PGF: variants seen among roughly 807,000 people sequenced by gnomAD.
PGF encodes placenta growth factor.
PGF carries 11 observed loss-of-function variants against 25.3 expected under a neutral mutation model. The observed-to-expected ratio is 0.43, with a 90% CI of 0.27 to 0.72. The LOEUF (loss-of-function observed/expected upper bound fraction) is 0.72, where lower values mean the gene tolerates loss of function less well. PGF is among the 30% of genes least tolerant of loss of function. The pLI is 0.18. For missense variants in PGF, 230 were observed against 234.9 expected (o/e 0.98, Z 0.14); for synonymous variants, 105 against 97.9 (o/e 1.07, Z -0.43).
chr14:74,950,149 C>T lies in PGF; in HGVS notation c.119-596G>A, dbSNP rs61759375. On this transcript the variant is annotated intron_variant, in intron 2 of 6. Coordinates refer to ENST00000555567, the MANE Select transcript of PGF (RefSeq NM_002632.6). This position sits in a 1 kb window ranked among gnomAD's most constrained non-coding sequence, Gnocchi z 4.1. ...TTCACTCCCAGCTCTGGCTTGTGCA[C>T]TCTGCAGCCCGTACAGCTGCTCTTC... Among the ~76,000 whole-genome samples, 4,818 of 152,218 alleles carry T rather than the reference C, an allele frequency of 0.032. 276 individuals carry two copies. The highest frequency in any genetic ancestry group is 0.11 in the African/African-American group (4,591 of 41,478).
In PGF at chr14:74,942,474, G is replaced by A. The variant is rs1466895938; in HGVS notation, c.*232C>T. The A allele has an allele frequency of 1.1e-5, 6 of 543,166 alleles. No homozygotes were observed. The highest frequency in any genetic ancestry group is 6.0e-5 in the African/African-American group (3 of 50,240). The allele number at this position is 543,166 out of a possible 1,614,324, so 33.6% of individuals were successfully genotyped here. A position where few individuals can be genotyped will look rare whatever the true frequency, so the allele number is the denominator to read the frequency against. On this transcript the variant is annotated 3_prime_UTR_variant, in exon 7 of 7. Transcript: ENST00000555567. ...CCACGTGTCTTGCTTCTTTCAAAGC[G>A]GAAGCTCCCAGGGGTCTGTGGCTGG...
At chr14:74,945,395 G>A (rs1009910) in intron 6 of PGF, 142,704 of 152,220 alleles carry the variant, frequency 0.94, 67,281 homozygotes, top group East Asian at 0.99. Context: ...AAAGAGATGA[G>A]AGCATAAACC....
rs772881524 is a variant in PGF, at chr14:74,953,738, G to A, written c.118+166C>T. ...ACCTCTCTAGTCTCTGGGTCACCAT[G>A]AGGGGATCTCTTAGGCCCTGCCAAA... On this transcript the variant is annotated intron_variant, in intron 2 of 6. Transcript: ENST00000555567. This position sits in a 1 kb window ranked among gnomAD's most constrained non-coding sequence, Gnocchi z 5.4. Among the ~76,000 whole-genome samples, 5 of 152,224 alleles carry A rather than the reference G, an allele frequency of 3.3e-5. No individual in the cohort carries two copies. Among genetic ancestry groups the A allele is most frequent in the Non-Finnish European group, 5.9e-5 (4 of 68,040 alleles).
In PGF at chr14:74,942,582, AGGCATTCAGCAGGGAAACAGTT is replaced by A; in HGVS notation, c.*102_*123del. The A allele has an allele frequency of 1.1e-6, 1 of 920,906 alleles. No individual in the cohort carries two copies. The allele number at this position is 920,906 out of a possible 1,614,324, so 57.0% of individuals were successfully genotyped here. On this transcript the variant is annotated 3_prime_UTR_variant, in exon 7 of 7. Transcript: ENST00000555567. ...CCTGCCCCTCGTCTTGAAGGGAGCG[AGGCATTCAGCAGGGAAACAGTT>A]GGCTAATAAATAGAGGGCAGGTACC...
chr14:74,954,119 G>T, intron 1 of PGF, 173 bp from the exon 2 acceptor site: 1 of 632,546 alleles, frequency 1.6e-6, no homozygotes, highest in Non-Finnish European at 2.9e-6. Flanking sequence ...CTGGACCCTG[G>T]GTAGGTTAGG....
rs555398683 is a variant in PGF, at chr14:74,948,654, C to T, written c.316-71G>A. On this transcript the variant is annotated intron_variant, in intron 3 of 6. Coordinates refer to ENST00000555567, the MANE Select transcript of PGF (RefSeq NM_002632.6). ...AGTTTCCGGCACTCTTCTCTCTCTCCTTGTAAGGAGAACCCGACTCTGTTT... is the reference window on the plus strand; with the variant it reads ...AGTTTCCGGCACTCTTCTCTCTCTCTTTGTAAGGAGAACCCGACTCTGTTT... 308 of 978,688 alleles carry T rather than the reference C, an allele frequency of 3.1e-4. 1 individual carries two copies. The highest frequency in any genetic ancestry group is 1.7e-3 in the East Asian group (66 of 38,826). The allele number at this position is 978,688 out of a possible 1,614,324, so 60.6% of individuals were successfully genotyped here. A position where few individuals can be genotyped will look rare whatever the true frequency, so the allele number is the denominator to read the frequency against.
chr14:74,946,162 G>C (rs1382346149), intron 6 of PGF, 51 bp downstream of exon 6: 2 of 1,565,576 alleles, frequency 1.3e-6, no homozygotes, highest in Admixed American at 1.7e-5. Flanking sequence ...GCAAGGCGGG[G>C]CTCCCCTCGG....
In PGF at chr14:74,953,407, G is replaced by A. The variant is rs965791409; in HGVS notation, c.118+497C>T. 2.6e-5 allele frequency among the ~76,000 whole-genome samples: 4 copies of A among 152,182 alleles called. No individual in the cohort carries two copies. Among genetic ancestry groups the A allele is most frequent in the African/African-American group, 4.8e-5 (2 of 41,438 alleles). On this transcript the variant is annotated intron_variant, in intron 2 of 6. Transcript: ENST00000555567. The surrounding 1 kb of genome is among the most constrained non-coding windows in gnomAD (Gnocchi z 5.4). Reference sequence around the variant, plus strand: ...TGCAACCAGGGCGGGGAGTGGAGGGGCCAGGGAGGGCGCGACTATGTTCTG... The same window carrying A: ...TGCAACCAGGGCGGGGAGTGGAGGGACCAGGGAGGGCGCGACTATGTTCTG...
At chr14:74,947,662 C>A (rs1487844285) in intron 4 of PGF, 1 of 152,254 alleles carries the variant, frequency 6.6e-6, no homozygotes, top group African/African-American at 2.4e-5. Context: ...CAGGACAATG[C>A]CTGGCATGTG....
intron 4 of PGF, chr14:74,947,908 C>G (rs1380081042): frequency 6.6e-6 from 1 of 152,360 alleles, no homozygotes; most frequent in Admixed American, 6.5e-5. Flanking sequence ...GTTGCTCCTG[C>G]TAACCAATGT....
At chr14:74,952,369 A>G (rs936566142) in intron 2 of PGF, among the ~76,000 whole-genome samples, 6 of 152,092 alleles carry the variant, frequency 3.9e-5, no homozygotes, top group Non-Finnish European at 8.8e-5. Flanking sequence ...TCAGCCACGG[A>G]GCTATTGGGA....
rs1888959367 is a variant in PGF at position 74,955,195 on chromosome 14, C to G, written c.48G>C (p.Gly16=). 1 of 1,487,400 alleles carries G rather than the reference C, an allele frequency of 6.7e-7. No individual in the cohort carries two copies. Among genetic ancestry groups the G allele is most frequent in the Non-Finnish European group, 9.0e-7 (1 of 1,110,938 alleles). The allele number at this position is 1,487,400 out of a possible 1,614,324, so 92.1% of individuals were successfully genotyped here. Residue 16 remains glycine, a synonymous_variant, in exon 1 of 7, where the codon GGG becomes GGC. Coordinates refer to ENST00000555567, the MANE Select transcript of PGF (RefSeq NM_002632.6). This position sits in a 1 kb window ranked among gnomAD's most constrained non-coding sequence, Gnocchi z 4.1. ...GGGGGGGCACAGCAGGCAGCGCCAG[C>G]CCGGCCAGGAGCTGCAGGAAGCAAG... is the stretch of plus-strand genomic sequence containing the variant. ...LFPCFLQLLA[G]LALPAVPPQQ...
At chr14:74,946,178 GCCT>G in intron 6 of PGF, 32 bp downstream of exon 6, 1 of 1,602,836 alleles carries the variant, frequency 6.2e-7, no homozygotes, top group African/African-American at 1.3e-5. Flanking sequence ...CTCGGGCCCA[GCCT>G]CCTCGCCATC....
In PGF at chr14:74,942,676, G is replaced by A. The variant is rs752641060; in HGVS notation, c.*30C>T. ...TGACGGTAATAAATACACGAGCCGGGTGCGGGGTCTCTCTCCTCCAAGGGG... is the reference window on the plus strand; with the variant it reads ...TGACGGTAATAAATACACGAGCCGGATGCGGGGTCTCTCTCCTCCAAGGGG... On this transcript the variant is annotated 3_prime_UTR_variant, in exon 7 of 7. Coordinates refer to ENST00000555567, the MANE Select transcript of PGF (RefSeq NM_002632.6). The A allele has an allele frequency of 6.2e-7, 1 of 1,609,332 alleles. No homozygotes were observed. The highest frequency in any genetic ancestry group is 2.2e-5 in the East Asian group (1 of 44,690).
At chr14:74,954,235 C>G (rs1403779659) in intron 1 of PGF, 2 of 451,650 alleles carry the variant, frequency 4.4e-6, no homozygotes, top group Admixed American at 6.7e-5. Flanking sequence ...TCCAATCCTG[C>G]GGGTCTGCCT....
chr14:74,955,189 C>T lies in PGF; in HGVS notation c.54G>A (p.Ala18=), dbSNP rs1018472154. The stretch of plus-strand genomic sequence containing the variant: ...TTACCTGGGGGGGCACAGCAGGCAG[C>T]GCCAGCCCGGCCAGGAGCTGCAGGA... ...PCFLQLLAGL[A]LPAVPPQQWA... is the part of the protein sequence containing the mutation. The change falls in exon 1 of 7, where the codon GCG becomes GCA. Residue 18 remains alanine, a synonymous_variant. Transcript: ENST00000555567. This position sits in a 1 kb window ranked among gnomAD's most constrained non-coding sequence, Gnocchi z 4.1. The T allele has an allele frequency of 6.7e-7, 1 of 1,484,514 alleles. No homozygotes were observed. The highest frequency in any genetic ancestry group is 1.3e-5 in the South Asian group (1 of 76,904). The allele number at this position is 1,484,514 out of a possible 1,614,324, so 92.0% of individuals were successfully genotyped here.
At chr14:74,943,059 C>G (rs996231541) in intron 6 of PGF, among the ~76,000 whole-genome samples, 1 of 152,204 alleles carries the variant, frequency 6.6e-6, no homozygotes, top group African/African-American at 2.4e-5. Context: ...TGTGGTCACA[C>G]GGCCAGTCGG....
rs371217790 is a variant in PGF at position 74,954,809 on chromosome 14, G to C, written c.75+359C>G. 7.2e-5 allele frequency among the ~76,000 whole-genome samples: 11 copies of C among 152,136 alleles called. No individual in the cohort carries two copies. In the East Asian group the frequency reaches 2.1e-3, roughly 29 times the overall value. On this transcript the variant is annotated intron_variant, in intron 1 of 6. Coordinates refer to ENST00000555567, the MANE Select transcript of PGF (RefSeq NM_002632.6). ...CACCAGGCCAGGTCAGAGGTCCTGG[G>C]GACGCCTGGTTGGCCATGGGGCCTC...
At chr14:74,951,650 G>A (rs1888874918) in intron 2 of PGF, among the ~76,000 whole-genome samples, 1 of 152,196 alleles carries the variant, frequency 6.6e-6, no homozygotes, top group Non-Finnish European at 1.5e-5. Flanking sequence ...GGCAGAACTG[G>A]CTGGGCCTCG....
Sources: allele counts gnomAD v4.1 joint callset (sites outside exome capture counted in the v4.1 genomes callset), GRCh38; gene constraint gnomAD v4.1.1; non-coding constraint Gnocchi (gnomAD v3.1); transcripts MANE v1.5; gene names NCBI Gene and HGNC (gene_info 2026-07-23, HGNC 2026-07-21).